The following PRKG1 variants were observed in gnomAD, a reference collection of about 807,000 sequenced individuals.
PRKG1 encodes cGMP-dependent protein kinase 1.
Under a neutral mutation model 88.1 loss-of-function variants are expected in PRKG1, and 35 were observed. That is an observed-to-expected ratio of 0.40 (90% CI 0.30 to 0.53). The LOEUF (loss-of-function observed/expected upper bound fraction) is 0.53. Among genes scored for constraint, PRKG1 ranks in the 20% least tolerant of loss-of-function variants. The pLI, the probability that PRKG1 is intolerant of heterozygous loss-of-function variation, is 0.59. For missense variants in PRKG1, 540 were observed against 839.8 expected (o/e 0.64, Z 4.41); for synonymous variants, 303 against 292.5 (o/e 1.04, Z -0.37).
intron 3 of PRKG1, among the ~76,000 whole-genome samples, chr10:51,533,617 T>TAAAAAAAAAAAAAAA (rs34738901): frequency 7.0e-6 from 1 of 142,854 alleles, no homozygotes. Context: ...CTAAAAGCTT[T>TAAAAAAAAAAAAAAA]AAAAAAAAAA....
intron 2 of PRKG1, among the ~76,000 whole-genome samples, chr10:51,327,797 A>G (rs1167458040): frequency 6.6e-6 from 1 of 152,240 alleles, no homozygotes; most frequent in East Asian, 1.9e-4. Flanking sequence ...GAAACACAGT[A>G]TTACAATCTA....
At chr10:51,395,777 AT>A (rs1199628220) in intron 2 of PRKG1, among the ~76,000 whole-genome samples, 3 of 152,320 alleles carry the variant, frequency 2.0e-5, no homozygotes, top group Non-Finnish European at 4.4e-5. Context: ...GAGTGAAGGT[AT>A]TGACCATATC....
chr10:52,174,660 T>C lies in PRKG1; in HGVS notation c.1076+12697T>C, dbSNP rs1012550959. Among the ~76,000 whole-genome samples, 6 of 152,128 alleles carry C rather than the reference T, an allele frequency of 3.9e-5. No individual in the cohort carries two copies. The South Asian group carries it at 1.0e-3, about 26-fold the overall frequency. On this transcript the variant is annotated intron_variant, in intron 9 of 17. Transcript: ENST00000373980. ...CTCATGTTTTTGGCTATTTATTTCA[T>C]TCATAAGCCACACTAGGAAATCATA...
chr10:51,532,261 G>T lies in PRKG1; in HGVS notation c.592+64425G>T, dbSNP rs149113897. ...GTTGTGGTTTATAAAGTGCTAACAA[G>T]GCTTGAGACATAAAGATACTATTAT... On this transcript the variant is annotated intron_variant, in intron 3 of 17. Coordinates refer to ENST00000373980, the MANE Select transcript of PRKG1 (RefSeq NM_006258.4). Among the ~76,000 whole-genome samples the T allele has an allele frequency of 5.7e-4, 87 of 152,256 alleles. 1 individual carries two copies. In the East Asian group the frequency reaches 0.016, roughly 27 times the overall value.
intron 1 of PRKG1, among the ~76,000 whole-genome samples, chr10:51,100,818 G>A (rs554894334): frequency 2.0e-5 from 3 of 152,250 alleles, no homozygotes; most frequent in Non-Finnish European, 2.9e-5. Flanking sequence ...AAAGACTTAT[G>A]AATCTTGCAA....
intron 1 of PRKG1, among the ~76,000 whole-genome samples, chr10:51,081,516 G>A (rs190399225): frequency 2.0e-5 from 3 of 152,318 alleles, no homozygotes; most frequent in African/African-American, 7.2e-5. Flanking sequence ...TGAATGCATT[G>A]TATTGTCCCT....
intron 9 of PRKG1, among the ~76,000 whole-genome samples, chr10:52,244,253 A>T (rs1840945411): frequency 6.6e-6 from 1 of 152,134 alleles, no homozygotes. Context: ...AAATTTTTTA[A>T]TTTGAAAACA....
intron 2 of PRKG1, among the ~76,000 whole-genome samples, chr10:51,450,853 A>G (rs1839415862): frequency 6.6e-6 from 1 of 151,414 alleles, no homozygotes; most frequent in Admixed American, 6.6e-5. Flanking sequence ...CAAAAATTAA[A>G]AAAAAAAAAA....
intron 9 of PRKG1, among the ~76,000 whole-genome samples, chr10:52,248,242 T>C (rs1202464505): frequency 2.0e-5 from 3 of 152,216 alleles, no homozygotes; most frequent in Admixed American, 2.0e-4. Flanking sequence ...TGCAGAGATT[T>C]TGTTTATGGC....
At chr10:51,189,598 C>T (rs1837580604) in intron 2 of PRKG1, among the ~76,000 whole-genome samples, 1 of 151,842 alleles carries the variant, frequency 6.6e-6, no homozygotes, top group Non-Finnish European at 1.5e-5. Flanking sequence ...ACTCCTGTGT[C>T]CCAGTTGTTT....
At chr10:51,943,890 A>G (rs1397953333) in intron 5 of PRKG1, among the ~76,000 whole-genome samples, 1 of 152,126 alleles carries the variant, frequency 6.6e-6, no homozygotes, top group East Asian at 1.9e-4. Flanking sequence ...CTCAATGTTC[A>G]TCAAGGATAT....
rs558630784 is a variant in PRKG1 at position 51,556,618 on chromosome 10, G to T, written c.592+88782G>T. 2.6e-5 allele frequency among the ~76,000 whole-genome samples: 4 copies of T among 152,086 alleles called. No individual in the cohort carries two copies. The South Asian group carries it at 6.2e-4, about 24-fold the overall frequency. ...CATTATCCTAAGCACATTAATGCAA[G>T]AACAGAAAACCAAATGCTACATGAT... On this transcript the variant is annotated intron_variant, in intron 3 of 17. Transcript: ENST00000373980.
At chr10:52,185,460 G>A (rs1162152584) in intron 9 of PRKG1, among the ~76,000 whole-genome samples, 1 of 152,202 alleles carries the variant, frequency 6.6e-6, no homozygotes, top group African/African-American at 2.4e-5. Context: ...CATGGGTTAG[G>A]ATAGAGTGAC....
At chr10:51,314,570 T>A (rs1257739353) in intron 2 of PRKG1, among the ~76,000 whole-genome samples, 1 of 152,216 alleles carries the variant, frequency 6.6e-6, no homozygotes, top group Non-Finnish European at 1.5e-5. Context: ...TTGCAAGCTG[T>A]TTCAGTTACA....
intron 9 of PRKG1, among the ~76,000 whole-genome samples, chr10:52,198,313 A>G (rs1839563514): frequency 1.3e-5 from 2 of 152,198 alleles, no homozygotes; most frequent in South Asian, 4.1e-4. Flanking sequence ...AATTTGTTTG[A>G]GAACTTCATT....
At chr10:51,706,657 C>T (rs1841612021) in intron 3 of PRKG1, among the ~76,000 whole-genome samples, 1 of 152,158 alleles carries the variant, frequency 6.6e-6, no homozygotes, top group Non-Finnish European at 1.5e-5. Flanking sequence ...ACTATACTCT[C>T]AGCACTTAGA....
intron 5 of PRKG1, among the ~76,000 whole-genome samples, chr10:51,949,378 C>G (rs940595116): frequency 2.6e-5 from 4 of 151,866 alleles, no homozygotes; most frequent in African/African-American, 9.7e-5. Context: ...TTTGGGAGGC[C>G]AAGGCAGGAG....
chr10:51,191,101 A>G (rs1444259008), intron 2 of PRKG1, among the ~76,000 whole-genome samples: 2 of 151,560 alleles, frequency 1.3e-5, no homozygotes, highest in African/African-American at 4.8e-5. Flanking sequence ...AGATTTGTTT[A>G]TCAGTTTGAG....
intron 9 of PRKG1, among the ~76,000 whole-genome samples, chr10:52,222,765 A>AT (rs769363670): frequency 3.9e-5 from 6 of 152,212 alleles, no homozygotes; most frequent in Non-Finnish European, 5.9e-5. Flanking sequence ...ACCACATATT[A>AT]TGCAGTCGTT....
Sources: gnomAD v4.1 joint callset for allele counts (sites outside exome capture counted in the v4.1 genomes callset) on GRCh38, gnomAD v4.1.1 for gene constraint, MANE v1.5 for transcripts, NCBI Gene and HGNC (gene_info 2026-07-23, HGNC 2026-07-21) for gene names.